Variants in GSE1 observed in about 807,000 individuals in gnomAD.
GSE1 encodes genetic suppressor element 1.
GSE1 carries 32 observed loss-of-function variants against 112.6 expected under a neutral mutation model. The observed-to-expected ratio is 0.28, with a 90% CI of 0.21 to 0.38. The LOEUF (loss-of-function observed/expected upper bound fraction) is 0.38, where lower values mean the gene tolerates loss of function less well. GSE1 is among the 10% of genes least tolerant of loss of function. The pLI, the probability that GSE1 is intolerant of heterozygous loss-of-function variation, is 1.00. For missense variants in GSE1, 2,348 were observed against 1,699.2 expected (o/e 1.38, Z -6.71); for synonymous variants, 1,115 against 735.6 (o/e 1.52, Z -8.35).
In GSE1 at chr16:85,257,763, C is replaced by T. The variant is rs911946976; in HGVS notation, c.2283+85956C>T. ...TCCTTTGAGTGAGGCTGTAGTGAGC[C>T]GCGATGGCATCATTGCCTGGGCAAT... On this transcript the variant is annotated intron_variant, in intron 1 of 2. Transcript: ENST00000637419. Among the ~76,000 whole-genome samples, 5 of 152,112 alleles carry T rather than the reference C, an allele frequency of 3.3e-5. 1 individual carries two copies. The highest frequency in any genetic ancestry group is 7.2e-5 in the African/African-American group (3 of 41,398).
intron 2 of GSE1, among the ~76,000 whole-genome samples, chr16:85,415,140 A>G (rs1043845375): frequency 2.0e-5 from 3 of 152,124 alleles, no homozygotes; most frequent in East Asian, 3.9e-4. Context: ...GGGTCTCCCT[A>G]TGTTGCCCAG....
In GSE1 at chr16:85,419,695, A is replaced by G. The variant is rs2048785267; in HGVS notation, c.2464+62052A>G. Among the ~76,000 whole-genome samples the G allele has an allele frequency of 6.6e-6, 1 of 152,104 alleles. No homozygotes were observed. Among genetic ancestry groups the G allele is most frequent in the South Asian group, 2.1e-4 (1 of 4,822 alleles). The stretch of plus-strand genomic sequence containing the variant: ...CATGCCTCGGGTGCAGTCGTGTGCA[A>G]CGGTGAATGCACGTTGGAATCAGCT... On this transcript the variant is annotated intron_variant, in intron 2 of 2. Coordinates refer to the GSE1 transcript ENST00000637419. This position sits in a 1 kb window ranked among gnomAD's most constrained non-coding sequence, Gnocchi z 6.5.
intron 1 of GSE1, among the ~76,000 whole-genome samples, chr16:85,297,395 T>G (rs1766112891): frequency 6.6e-6 from 1 of 152,240 alleles, no homozygotes; most frequent in Non-Finnish European, 1.5e-5. Flanking sequence ...GTAAATCCCT[T>G]AGACTTTGAT....
chr16:85,400,763 C>T (rs2048091258), intron 2 of GSE1, among the ~76,000 whole-genome samples: 1 of 147,320 alleles, frequency 6.8e-6, no homozygotes, highest in South Asian at 2.2e-4. Flanking sequence ...ACGTGTGTCT[C>T]TGTGATGTGT....
chr16:85,587,243 G>A (rs1238390668), intron 1 of GSE1, among the ~76,000 whole-genome samples: 6 of 152,124 alleles, frequency 3.9e-5, no homozygotes, highest in East Asian at 1.9e-4. Context: ...AAGAGCGGAC[G>A]GGAGAAATAA....
At chr16:85,395,001 A>T (rs2047934167) in intron 2 of GSE1, among the ~76,000 whole-genome samples, 1 of 152,074 alleles carries the variant, frequency 6.6e-6, no homozygotes, top group African/African-American at 2.4e-5. Flanking sequence ...ATGGACAAAG[A>T]CATATAGGAA....
chr16:85,341,013 A>G (rs2046613496), intron 1 of GSE1, among the ~76,000 whole-genome samples: 2 of 152,206 alleles, frequency 1.3e-5, no homozygotes, highest in Admixed American at 6.5e-5. Flanking sequence ...ATATGTGGAA[A>G]GTATTTAAAA....
rs141090582 is a variant in GSE1 at position 85,400,371 on chromosome 16, G to A, written c.2464+42728G>A. Among the ~76,000 whole-genome samples the A allele has an allele frequency of 1.5e-3, 222 of 151,828 alleles. 2 individuals carry two copies. The highest frequency in any genetic ancestry group is 5.1e-3 in the African/African-American group (211 of 41,408). On this transcript the variant is annotated intron_variant, in intron 2 of 2. Transcript: ENST00000637419. The stretch of plus-strand genomic sequence containing the variant: ...GTTTCTGTGTACTGTGTGTGCTTTC[G>A]TGTATGTCTGTATGTGTATCTCTGT...
Position 85,666,063 on chromosome 16 carries a change from C to T in GSE1, c.2846C>T (p.Pro949Leu). The part of the protein sequence containing the change: ...SLSDIPKAAE[P>L]GKLEQVRPQE... ...TCTGACATCCCAAAGGCCGCGGAGC[C>T]TGGGAAGCTGGAACAGGTCCGGCCC... Residue 949 changes from proline to leucine, a missense_variant, in exon 13 of 16, where the codon CCT becomes CTT. Pro to Leu is a moderately conservative substitution (Grantham distance 98, BLOSUM62 -3). Transcript: ENST00000253458. 1.2e-6 allele frequency: 2 copies of T among 1,613,498 alleles called. No individual in the cohort carries two copies. The highest frequency in any genetic ancestry group is 1.7e-6 in the Non-Finnish European group (2 of 1,180,020).
At chr16:85,381,845 G>A (rs1270761066) in intron 2 of GSE1, among the ~76,000 whole-genome samples, 2 of 152,228 alleles carry the variant, frequency 1.3e-5, no homozygotes, top group Admixed American at 6.5e-5. Flanking sequence ...TCACTGCAAA[G>A]CAAGCTAGAG....
rs145341174 is a variant in GSE1, at chr16:85,402,302, C to T, written c.2464+44659C>T. 3.0e-4 allele frequency among the ~76,000 whole-genome samples: 46 copies of T among 152,204 alleles called. No homozygotes were observed. In the East Asian group the frequency reaches 7.7e-3, roughly 26 times the overall value. ...CCTGAACCCAAGACGCTGAGAAGCT[C>T]GGGGGAGAGGAGTCGCCAGTGGGAT... is the stretch of plus-strand genomic sequence containing the variant. On this transcript the variant is annotated intron_variant, in intron 2 of 2. Coordinates refer to the GSE1 transcript ENST00000637419.
intron 1 of GSE1, among the ~76,000 whole-genome samples, chr16:85,352,520 C>T (rs2046871189): frequency 6.6e-6 from 1 of 152,130 alleles, no homozygotes; most frequent in Non-Finnish European, 1.5e-5. Flanking sequence ...CACAATAGTA[C>T]TTTAAATCCA....
chr16:85,269,562 G>C (rs1329850599), intron 1 of GSE1, among the ~76,000 whole-genome samples: 1 of 149,228 alleles, frequency 6.7e-6, no homozygotes, highest in African/African-American at 2.4e-5. Flanking sequence ...CTGTGGGGCT[G>C]GGGACCCAGG....
At chr16:85,264,639 C>CT (rs912405658) in intron 1 of GSE1, among the ~76,000 whole-genome samples, 12 of 152,182 alleles carry the variant, frequency 7.9e-5, no homozygotes, top group African/African-American at 2.9e-4. Context: ...TGAGATCCCC[C>CT]TGTGGACGGC....
intron 2 of GSE1, among the ~76,000 whole-genome samples, chr16:85,495,810 T>A (rs2051157449): frequency 6.6e-6 from 1 of 152,086 alleles, no homozygotes; most frequent in South Asian, 2.1e-4. Flanking sequence ...GCTGGGGACA[T>A]TTTAAACCCC....
At chr16:85,451,920 C>T (rs1803906330) in intron 2 of GSE1, among the ~76,000 whole-genome samples, 2 of 152,196 alleles carry the variant, frequency 1.3e-5, no homozygotes, top group Admixed American at 6.5e-5. Context: ...CATAACAGGC[C>T]ACCTGGCTTG....
chr16:85,652,406 A>G (rs1264742487), intron 3 of GSE1, among the ~76,000 whole-genome samples: 3 of 152,150 alleles, frequency 2.0e-5, no homozygotes, highest in African/African-American at 7.2e-5. Context: ...GTCAGTGCCC[A>G]TGTGTACCTC....
At chr16:85,417,476 C>G (rs1418712311) in intron 2 of GSE1, among the ~76,000 whole-genome samples, 1 of 152,252 alleles carries the variant, frequency 6.6e-6, no homozygotes, top group African/African-American at 2.4e-5. Context: ...CGGACTCCCT[C>G]TGGCTCTAAG....
rs1231706568 is a variant in GSE1, at chr16:85,673,285, A to AT, written c.*750dup. The stretch of plus-strand genomic sequence containing the variant: ...GGGTTGGGTTTTCATACAGACGTAA[A>AT]TTTTGAGAGAAAAGTCAAAGGTGCT... On this transcript the variant is annotated 3_prime_UTR_variant, in exon 16 of 16. Coordinates refer to ENST00000253458, the MANE Select transcript of GSE1 (RefSeq NM_014615.5). 14 of 152,572 alleles carry AT rather than the reference A, an allele frequency of 9.2e-5. No homozygotes were observed. Among genetic ancestry groups the AT allele is most frequent in the Admixed American group, 9.2e-4 (14 of 15,284 alleles). The allele number at this position is 152,572 out of a possible 1,614,324, so 9.5% of individuals were successfully genotyped here. A position where few individuals can be genotyped will look rare whatever the true frequency, so the allele number is the denominator to read the frequency against.
Sources: gnomAD v4.1 joint callset for allele counts (sites outside exome capture counted in the v4.1 genomes callset) on GRCh38, gnomAD v4.1.1 for gene constraint, Gnocchi (gnomAD v3.1) non-coding constraint, MANE v1.5 for transcripts, NCBI Gene and HGNC (gene_info 2026-07-23, HGNC 2026-07-21) for gene names.